Variants in HDAC9 observed in about 807,000 individuals in gnomAD.
HDAC9 encodes histone deacetylase 9, also known as MEF-2 interacting transcription repressor (MITR) protein.
In HDAC9, 41 loss-of-function variants were observed where a neutral mutation model predicts 139.4. The ratio of observed to expected loss-of-function variants is 0.29; its 90% CI spans 0.23 to 0.38. The LOEUF (loss-of-function observed/expected upper bound fraction) is 0.38, where lower values mean the gene tolerates loss of function less well. HDAC9 is among the 10% of genes least tolerant of loss of function. The pLI is 1.00. For missense variants in HDAC9, 1,147 were observed against 1,297.0 expected, an observed-to-expected ratio of 0.88 and a Z score of 1.78; for synonymous variants, 517 against 476.2, an observed-to-expected ratio of 1.09 and a Z score of -1.12.
At chr7:18,295,719 C>T (rs551971684) in intron 1 of HDAC9, among the ~76,000 whole-genome samples, 8 of 152,210 alleles carry the variant, frequency 5.3e-5, no homozygotes, top group South Asian at 4.1e-4. Context: ...GAACCATTTG[C>T]GTAGACCAGT....
At chr7:18,435,349 C>A (rs563024581) in intron 1 of HDAC9, among the ~76,000 whole-genome samples, 1 of 151,996 alleles carries the variant, frequency 6.6e-6, no homozygotes, top group South Asian at 2.1e-4. Flanking sequence ...ACACCAAACC[C>A]CCAAGACATG....
chr7:18,899,593 TATTA>T (rs10566836), intron 22 of HDAC9, among the ~76,000 whole-genome samples: 1,931 of 152,216 alleles, frequency 0.013, 47 homozygotes, highest in African/African-American at 0.044. Flanking sequence ...ATTAATAGTA[TATTA>T]ATTATTTCTT....
rs573171692 is a variant in HDAC9 at position 18,725,003 on chromosome 7, T to C, written c.1732-2577T>C. On this transcript the variant is annotated intron_variant, in intron 12 of 25. Transcript: ENST00000686413. ...TTTTAAGTGGACCTTAGAGGATGTG[T>C]GTAGTGCTGAATGTGGAGCTTCATA... Among the ~76,000 whole-genome samples, 4 of 152,238 alleles carry C rather than the reference T, an allele frequency of 2.6e-5. No homozygotes were observed. In the East Asian group the frequency reaches 7.7e-4, roughly 29 times the overall value.
At chr7:18,323,985 T>C (rs1470423105) in intron 1 of HDAC9, among the ~76,000 whole-genome samples, 2 of 149,876 alleles carry the variant, frequency 1.3e-5, no homozygotes, top group East Asian at 2.0e-4. Flanking sequence ...GGTGAGGGAG[T>C]TCTATGGGAT....
intron 2 of HDAC9, among the ~76,000 whole-genome samples, chr7:18,239,808 A>G (rs1302975413): frequency 6.6e-6 from 1 of 152,178 alleles, no homozygotes; most frequent in African/African-American, 2.4e-5. Context: ...TGGAATTTTA[A>G]TCCCCTTTTA....
intron 13 of HDAC9, among the ~76,000 whole-genome samples, chr7:18,729,522 C>G (rs1785850830): frequency 6.6e-6 from 1 of 152,012 alleles, no homozygotes. Flanking sequence ...TTAGAGAGAA[C>G]CTGGAGTTTA....
At chr7:18,168,893 TTTTTTGTG>T (rs1318569174) in intron 2 of HDAC9, among the ~76,000 whole-genome samples, 6 of 116,774 alleles carry the variant, frequency 5.1e-5, no homozygotes, top group African/African-American at 7.5e-5. Context: ...TTTTTTTTTT[TTTTTTGTG>T]TGTGTGTGTG....
chr7:18,125,753 G>A (rs1405481148), intron 1 of HDAC9, among the ~76,000 whole-genome samples: 1 of 152,102 alleles, frequency 6.6e-6, no homozygotes, highest in Admixed American at 6.6e-5. Context: ...CAATAGCTAA[G>A]CAAGTTGGCC....
In HDAC9 at chr7:18,605,617, G is replaced by A. The variant is rs192136392; in HGVS notation, c.664+11588G>A. Among the ~76,000 whole-genome samples, 18 of 152,206 alleles carry A rather than the reference G, an allele frequency of 1.2e-4. No individual in the cohort carries two copies. In the South Asian group the frequency reaches 2.5e-3, roughly 21 times the overall value. On this transcript the variant is annotated intron_variant, in intron 6 of 25. Transcript: ENST00000686413. ...TATATTCACTGAGAGAAACTGGTTGGGTTCCTGGAAGTAAAACCCATGAAA... is the reference window on the plus strand; with the variant it reads ...TATATTCACTGAGAGAAACTGGTTGAGTTCCTGGAAGTAAAACCCATGAAA...
chr7:18,186,193 C>T (rs1236753386), intron 2 of HDAC9, among the ~76,000 whole-genome samples: 2 of 152,152 alleles, frequency 1.3e-5, no homozygotes, highest in Non-Finnish European at 2.9e-5. Flanking sequence ...TTAGGCAGTC[C>T]AACACGGTAG....
At chr7:18,620,876 C>T (rs1026510984) in intron 6 of HDAC9, among the ~76,000 whole-genome samples, 1 of 152,076 alleles carries the variant, frequency 6.6e-6, no homozygotes, top group Non-Finnish European at 1.5e-5. Context: ...ATTGTTGTTT[C>T]CATCTGTGAT....
chr7:18,537,925 C>T (rs1286192041), intron 2 of HDAC9, among the ~76,000 whole-genome samples: 2 of 152,180 alleles, frequency 1.3e-5, no homozygotes, highest in African/African-American at 4.8e-5. Context: ...GTTGATGGGC[C>T]TTGCCTTCAG....
intron 1 of HDAC9, among the ~76,000 whole-genome samples, chr7:18,361,331 G>A (rs915294362): frequency 1.1e-4 from 16 of 152,094 alleles, no homozygotes; most frequent in Non-Finnish European, 1.0e-4. Context: ...AAATGGTGAT[G>A]AAAGCCTCTT....
intron 2 of HDAC9, among the ~76,000 whole-genome samples, chr7:18,246,215 G>C (rs567915697): frequency 4.0e-5 from 6 of 150,192 alleles, no homozygotes; most frequent in African/African-American, 1.5e-4. Flanking sequence ...TGAAGTAGGT[G>C]GTTGGCCTCA....
intron 1 of HDAC9, among the ~76,000 whole-genome samples, chr7:18,393,126 T>A (rs1301447289): frequency 1.3e-4 from 4 of 31,240 alleles, no homozygotes; most frequent in Non-Finnish European, 5.7e-4. Flanking sequence ...ATAAAATGGA[T>A]TTTTTTTTTT....
chr7:18,318,444 A>G (rs1017039740), intron 1 of HDAC9, among the ~76,000 whole-genome samples: 2 of 152,242 alleles, frequency 1.3e-5, no homozygotes, highest in East Asian at 3.9e-4. Flanking sequence ...AACTACAGAC[A>G]GCAATAACTA....
intron 17 of HDAC9, among the ~76,000 whole-genome samples, chr7:18,820,394 G>C (rs1295621139): frequency 6.6e-6 from 1 of 152,150 alleles, no homozygotes; most frequent in Non-Finnish European, 1.5e-5. Context: ...AGAATTCGGT[G>C]AGAAAAGCAG....
chr7:18,382,984 A>C (rs1186950274), intron 1 of HDAC9, among the ~76,000 whole-genome samples: 3 of 152,208 alleles, frequency 2.0e-5, no homozygotes, highest in African/African-American at 7.2e-5. Context: ...GGGGCAACTT[A>C]AATTTCTGGG....
At chr7:18,195,227 T>C (rs1295604469) in intron 2 of HDAC9, among the ~76,000 whole-genome samples, 1 of 152,090 alleles carries the variant, frequency 6.6e-6, no homozygotes, top group Non-Finnish European at 1.5e-5. Flanking sequence ...AACCTAAGGT[T>C]CCCATATTTT....
Sources: allele counts gnomAD v4.1 joint callset (sites outside exome capture counted in the v4.1 genomes callset), GRCh38; gene constraint gnomAD v4.1.1; transcripts MANE v1.5; gene names NCBI Gene and HGNC (gene_info 2026-07-23, HGNC 2026-07-21).